RNF130: variants seen among roughly 807,000 people sequenced by gnomAD.
RNF130 encodes the protein E3 ubiquitin-protein ligase RNF130.
Under a neutral mutation model 44.6 loss-of-function variants are expected in RNF130, and 21 were observed. The observed-to-expected ratio is 0.47, with a 90% CI of 0.33 to 0.68. RNF130 has a LOEUF of 0.68. RNF130 is among the 30% of genes least tolerant of loss of function. The probability of loss-of-function intolerance (pLI) is 0.02; values close to 1 mark genes in which losing one functional copy is unlikely to be tolerated. For missense variants in RNF130, 479 were observed against 560.6 expected, an observed-to-expected ratio of 0.85 and a Z score of 1.47; for synonymous variants, 214 against 210.4, an observed-to-expected ratio of 1.02 and a Z score of -0.15.
intron 2 of RNF130, 35 bp downstream of exon 2, chr5:180,040,418 G>A (rs779339566): frequency 2.6e-5 from 42 of 1,586,208 alleles, no homozygotes; most frequent in Non-Finnish European, 3.4e-5. Context: ...TTTCTAAGAA[G>A]AAAAACAAAA....
chr5:179,940,332 TGCCTCAGCATCCTGA>T (rs1761954596), intron 7 of RNF130, among the ~76,000 whole-genome samples: 1 of 152,038 alleles, frequency 6.6e-6, no homozygotes, highest in Admixed American at 6.6e-5. Context: ...GCGGTTCTCC[TGCCTCAGCATCCTGA>T]GTAGCTGGGA....
At chr5:180,051,236 T>TTG (rs1488899185) in intron 1 of RNF130, among the ~76,000 whole-genome samples, 1 of 54,990 alleles carries the variant, frequency 1.8e-5, no homozygotes, top group African/African-American at 5.3e-5. Context: ...TGTATAGATA[T>TTG]TATATTTATT....
intron 8 of RNF130, among the ~76,000 whole-genome samples, chr5:179,959,575 T>C (rs1241250826): frequency 6.7e-6 from 1 of 150,262 alleles, no homozygotes; most frequent in Non-Finnish European, 1.5e-5. Flanking sequence ...TGTGGTGAGC[T>C]GAGATGGCGC....
chr5:179,920,707 G>A (rs1325405521), intron 7 of RNF130, among the ~76,000 whole-genome samples: 4 of 151,930 alleles, frequency 2.6e-5, no homozygotes, highest in Non-Finnish European at 5.9e-5. Context: ...ACTTAGAAAC[G>A]TGAAGACTTC....
chr5:180,023,280 T>C (rs1245365449), intron 2 of RNF130, among the ~76,000 whole-genome samples: 1 of 152,240 alleles, frequency 6.6e-6, no homozygotes, highest in Non-Finnish European at 1.5e-5. Flanking sequence ...TGTATTTCCT[T>C]GTTCTGTCAG....
At chr5:179,989,630 CTG>C (rs1375080009) in intron 3 of RNF130, among the ~76,000 whole-genome samples, 3 of 152,124 alleles carry the variant, frequency 2.0e-5, no homozygotes, top group Non-Finnish European at 1.5e-5. Context: ...TTCAGTCGAT[CTG>C]TGTGTCTAGG....
At chr5:180,038,116 T>G (rs1561702441) in intron 2 of RNF130, among the ~76,000 whole-genome samples, 1 of 152,198 alleles carries the variant, frequency 6.6e-6, no homozygotes, top group African/African-American at 2.4e-5. Context: ...TGCAGTGGTG[T>G]GATCACGGCT....
At chr5:179,923,085 T>A (rs965494610) in intron 7 of RNF130, among the ~76,000 whole-genome samples, 5 of 152,202 alleles carry the variant, frequency 3.3e-5, no homozygotes, top group African/African-American at 1.2e-4. Flanking sequence ...TTTCCTATTA[T>A]AGTTTGTGCT....
intron 6 of RNF130, among the ~76,000 whole-genome samples, chr5:179,968,552 G>T (rs1762504985): frequency 6.6e-6 from 1 of 151,300 alleles, no homozygotes; most frequent in South Asian, 2.1e-4. Flanking sequence ...TGTAATCCCA[G>T]CTACAAGGGA....
At chr5:179,954,806 C>G (rs1182809375), downstream of RNF130, among the ~76,000 whole-genome samples, 1 of 152,254 alleles carries the variant, frequency 6.6e-6, no homozygotes, top group African/African-American at 2.4e-5. Context: ...TACGTTCTCA[C>G]TCCTCAGGTA....
At chr5:180,008,649 C>G (rs1349413502) in intron 3 of RNF130, among the ~76,000 whole-genome samples, 3 of 151,952 alleles carry the variant, frequency 2.0e-5, no homozygotes, top group Non-Finnish European at 4.4e-5. Context: ...CTTTGGGAGG[C>G]TGAGGTGCAC....
At chr5:180,058,343 T>C (rs1764887105) in intron 1 of RNF130, among the ~76,000 whole-genome samples, 1 of 152,214 alleles carries the variant, frequency 6.6e-6, no homozygotes, top group African/African-American at 2.4e-5. Context: ...TTTTTAAAAA[T>C]CTGGTCACTT....
intron 1 of RNF130, among the ~76,000 whole-genome samples, chr5:180,061,538 C>T (rs1019783884): frequency 6.6e-6 from 1 of 152,222 alleles, no homozygotes; most frequent in African/African-American, 2.4e-5. Context: ...GGAAAAACCA[C>T]CTCCAGCCCC....
intron 8 of RNF130, chr5:179,956,142 A>G (rs528903692): frequency 6.5e-6 from 1 of 153,608 alleles, no homozygotes; most frequent in East Asian, 1.9e-4. Context: ...CTGTCCTTGC[A>G]TCAGGTGTAA....
intron 3 of RNF130, among the ~76,000 whole-genome samples, chr5:179,989,319 G>A (rs1582167394): frequency 1.3e-5 from 2 of 152,210 alleles, no homozygotes; most frequent in East Asian, 3.9e-4. Flanking sequence ...GATTTGGGTG[G>A]CGACACAGCC....
intron 7 of RNF130, among the ~76,000 whole-genome samples, chr5:179,924,695 A>T (rs1417607174): frequency 3.3e-5 from 5 of 152,188 alleles, no homozygotes; most frequent in Admixed American, 2.6e-4. Flanking sequence ...AGGCTAAGGC[A>T]GGAGAATTGC....
intron 7 of RNF130, among the ~76,000 whole-genome samples, chr5:179,938,815 A>G (rs1761933693): frequency 6.6e-6 from 1 of 152,178 alleles, no homozygotes; most frequent in South Asian, 2.1e-4. Flanking sequence ...CACCCTGGCA[A>G]TGTTAACTTC....
chr5:180,039,227 C>T (rs1198019244), intron 2 of RNF130, among the ~76,000 whole-genome samples: 1 of 151,972 alleles, frequency 6.6e-6, no homozygotes, highest in African/African-American at 2.4e-5. Flanking sequence ...GGAAAAAATA[C>T]ACCTTACTTC....
downstream of RNF130, among the ~76,000 whole-genome samples, chr5:179,954,336 C>G (rs1290153418): frequency 6.6e-6 from 1 of 152,202 alleles, no homozygotes; most frequent in Non-Finnish European, 1.5e-5. Flanking sequence ...ACAGCGGAAA[C>G]AAGTCAAGCG....
Sources: gnomAD v4.1 joint callset for allele counts (sites outside exome capture counted in the v4.1 genomes callset) on GRCh38, gnomAD v4.1.1 for gene constraint, MANE v1.5 for transcripts, NCBI Gene and HGNC (gene_info 2026-07-23, HGNC 2026-07-21) for gene names.